NUP205: variants seen among roughly 807,000 people sequenced by gnomAD.
NUP205 encodes nucleoporin 205, also known as nuclear pore complex protein Nup205.
In NUP205, 76 loss-of-function variants were observed where a neutral mutation model predicts 253.8. The observed-to-expected ratio is 0.30, with a 90% CI of 0.25 to 0.36. The LOEUF (loss-of-function observed/expected upper bound fraction) is 0.36. Ranked by LOEUF, NUP205 falls within the 10% of genes least tolerant of loss-of-function variation. NUP205 has a pLI of 1.00. For synonymous variants in NUP205, 832 were observed against 850.1 expected, an observed-to-expected ratio of 0.98 and a Z score of 0.37; for missense variants, 2,162 against 2,425.5, an observed-to-expected ratio of 0.89 and a Z score of 2.28.
At chr7:135,589,261 GT>G (rs376086183) in intron 10 of NUP205, among the ~76,000 whole-genome samples, 3,681 of 142,236 alleles carry the variant, frequency 0.026, 139 homozygotes, top group South Asian at 0.082. Flanking sequence ...GTGTGTGTGT[GT>G]TTTTTTTTTT....
chr7:135,609,104 C>CAAAAAAAAA (rs1163880987), intron 22 of NUP205, among the ~76,000 whole-genome samples: 1 of 66,182 alleles, frequency 1.5e-5, no homozygotes, highest in Non-Finnish European at 3.0e-5. Context: ...AACTCCGTCT[C>CAAAAAAAAA]AAAAAAAAAA....
At chr7:135,570,788 T>TTATATATATTAATTATATTAA (rs1554456550) in intron 1 of NUP205, among the ~76,000 whole-genome samples, 2 of 48,962 alleles carry the variant, frequency 4.1e-5, no homozygotes, top group Non-Finnish European at 7.3e-5. Flanking sequence ...TTAATTATAT[T>TTATATATATTAATTATATTAA]TATATATTAT....
intron 15 of NUP205, among the ~76,000 whole-genome samples, chr7:135,599,262 A>G (rs1793915048): frequency 6.6e-6 from 1 of 152,134 alleles, no homozygotes; most frequent in African/African-American, 2.4e-5. Flanking sequence ...TGACTGCATA[A>G]AATCTGTTAC....
intron 30 of NUP205, among the ~76,000 whole-genome samples, chr7:135,621,596 A>C (rs1306576755): frequency 1.3e-5 from 2 of 152,240 alleles, no homozygotes; most frequent in Admixed American, 6.5e-5. Flanking sequence ...AGAGTCTCAC[A>C]TAAGAGTATG....
Position 135,606,765 on chromosome 7 carries a change from A to G in NUP205, c.2920A>G (p.Lys974Glu). 6.2e-7 allele frequency: 1 copy of G among 1,613,772 alleles called. No homozygotes were observed. Among genetic ancestry groups the G allele is most frequent in the Non-Finnish European group, 8.5e-7 (1 of 1,179,772 alleles). Residue 974 changes from lysine to glutamate, a missense_variant, in exon 21 of 43, where the codon AAG becomes GAG. Around this residue, in one of 5 missense-constraint regions of NUP205, gnomAD observed 1,144 missense variants for 1,280.9 expected, o/e 0.89. Coordinates refer to ENST00000285968, the MANE Select transcript of NUP205 (RefSeq NM_015135.3). ...VRLEEGSELE[K>E]KLVAIRHETR... is the part of the protein sequence containing the mutation. ...TCTGCATTAAGGATCAGAACTTGAA[A>G]AGAAATTAGTTGCAATTCGTCATGA...
chr7:135,598,400 A>C (rs1438949170), intron 15 of NUP205, among the ~76,000 whole-genome samples, 193 bp downstream of exon 15: 1 of 152,252 alleles, frequency 6.6e-6, no homozygotes, highest in African/African-American at 2.4e-5. Flanking sequence ...AAACCCAAGC[A>C]CTGACATTAG....
At chr7:135,582,039 G>A (rs1408673070) in intron 7 of NUP205, among the ~76,000 whole-genome samples, 1 of 152,022 alleles carries the variant, frequency 6.6e-6, no homozygotes, top group African/African-American at 2.4e-5. Context: ...TAATGTCAGT[G>A]CTTTGGGAGG....
chr7:135,591,700 C>T, intron 11 of NUP205, 100 bp downstream of exon 11: 1 of 1,008,666 alleles, frequency 9.9e-7, no homozygotes, highest in East Asian at 2.5e-5. Flanking sequence ...CTAGGTTCTA[C>T]CAGAGGTATA....
chr7:135,596,213 C>T (rs999388117), intron 13 of NUP205, among the ~76,000 whole-genome samples: 1 of 152,172 alleles, frequency 6.6e-6, no homozygotes, highest in Non-Finnish European at 1.5e-5. Flanking sequence ...GGATTACAGG[C>T]GTGAGCCACC....
At chr7:135,584,806 T>C in intron 7 of NUP205, 26 bp from the exon 8 acceptor site, 1 of 1,607,778 alleles carries the variant, frequency 6.2e-7, no homozygotes, top group South Asian at 1.1e-5. Context: ...TTCCTCCATG[T>C]ACTGTGTTTT....
chr7:135,567,115 T>C (rs1350965818), intron 1 of NUP205, among the ~76,000 whole-genome samples: 4 of 48,088 alleles, frequency 8.3e-5, no homozygotes, highest in Non-Finnish European at 1.3e-4. Flanking sequence ...TCTGTCTTGC[T>C]CAGTCTATGT....
chr7:135,638,580 T>C lies in NUP205; in HGVS notation c.5289T>C (p.Tyr1763=). ...MQQICANVME[Y]CQSLMLQSSP... is the part of the protein sequence containing the mutation. ...AGATTTGTGCCAATGTAATGGAATA[T>C]TGCCAGTCACTCATGTTACAGAGTT... is the stretch of plus-strand genomic sequence containing the variant. The change falls in exon 38 of 43, where the codon TAT becomes TAC. Residue 1763 remains tyrosine, a synonymous_variant. Transcript: ENST00000285968. 1.1e-5 allele frequency: 17 copies of C among 1,614,064 alleles called. No homozygotes were observed. Among genetic ancestry groups the C allele is most frequent in the Non-Finnish European group, 1.4e-5 (17 of 1,179,930 alleles).
chr7:135,577,031 A>C lies in NUP205; in HGVS notation c.551A>C (p.Tyr184Ser). Residue 184 changes from tyrosine to serine, a missense_variant, in exon 5 of 43, where the codon TAT (tyrosine) becomes TCT (serine). Physicochemically the swap from Tyr to Ser is moderately radical, Grantham distance 144. Around this residue, in one of 5 missense-constraint regions of NUP205, gnomAD observed 892 missense variants for 957.1 expected, o/e 0.93. Coordinates refer to ENST00000285968, the MANE Select transcript of NUP205 (RefSeq NM_015135.3). ...GAGCTGATGGAGCAAGGATTGACTT[A>C]TAAAGTTCTTACGCTGGTGTCACAG... ...TDELMEQGLT[Y>S]KVLTLVSQID... is the part of the protein sequence containing the mutation. 1 of 1,614,162 alleles carries C rather than the reference A, an allele frequency of 6.2e-7. No homozygotes were observed. The highest frequency in any genetic ancestry group is 8.5e-7 in the Non-Finnish European group (1 of 1,179,970).
chr7:135,593,000 G>T lies in NUP205; in HGVS notation c.1638G>T (p.Gln546His). 6.2e-7 allele frequency: 1 copy of T among 1,612,060 alleles called. No individual in the cohort carries two copies. Among genetic ancestry groups the T allele is most frequent in the Non-Finnish European group, 8.5e-7 (1 of 1,178,240 alleles). The change falls in exon 12 of 43, where the codon CAG becomes CAT. Residue 546 changes from glutamine (Q) to histidine (H), a missense_variant. Physicochemically the swap from Gln to His is conservative, Grantham distance 24. Transcript: ENST00000285968. ...VNGSSHVENIQGAGGSPVSWE... is the reference protein window; with the variant it reads ...VNGSSHVENIHGAGGSPVSWE... ...TTTTCTTTATAGTTGAAAATATTCA[G>T]GGAGCAGGTGGCAGTCCTGTTTCCT...
intron 7 of NUP205, among the ~76,000 whole-genome samples, chr7:135,579,956 C>T (rs1806260211): frequency 6.6e-6 from 1 of 152,122 alleles, no homozygotes; most frequent in Admixed American, 6.6e-5. Context: ...AGAATACTGA[C>T]TTTTAACAAC....
At chr7:135,583,517 T>C (rs1806367698) in intron 7 of NUP205, among the ~76,000 whole-genome samples, 1 of 152,094 alleles carries the variant, frequency 6.6e-6, no homozygotes, top group Non-Finnish European at 1.5e-5. Context: ...CCCAGCACTT[T>C]GGGAGGCCGA....
intron 15 of NUP205, among the ~76,000 whole-genome samples, chr7:135,599,539 C>T (rs1021525058): frequency 6.6e-6 from 1 of 152,126 alleles, no homozygotes; most frequent in Admixed American, 6.5e-5. Flanking sequence ...CTGATAATTA[C>T]AGCACTCATT....
At position 135,601,502 on chromosome 7, in the gene NUP205, T is replaced by C; in HGVS notation, c.2507T>C (p.Phe836Ser). ...GVKQLDTYAP[F>S]PGKKHLEKAV... ...AAGCAGCTTGACACCTATGCCCCCT[T>C]TCCTGGTATATGCTTAAAAGCCTTC... Residue 836 changes from phenylalanine (F) to serine (S), a missense_variant, in exon 17 of 43, where the codon TTT becomes TCT. Coordinates refer to ENST00000285968, the MANE Select transcript of NUP205 (RefSeq NM_015135.3). 6.2e-7 allele frequency: 1 copy of C among 1,612,728 alleles called. No individual in the cohort carries two copies. Among genetic ancestry groups the C allele is most frequent in the South Asian group, 1.1e-5 (1 of 90,800 alleles).
At chr7:135,570,672 A>ATATTTATTATATTAT (rs1805936575) in intron 1 of NUP205, among the ~76,000 whole-genome samples, 4 of 116,570 alleles carry the variant, frequency 3.4e-5, no homozygotes, top group African/African-American at 1.0e-4. Context: ...TAATATAATT[A>ATATTTATTATATTAT]ATATATATTA....
Sources: gnomAD v4.1 joint callset for allele counts (sites outside exome capture counted in the v4.1 genomes callset) on GRCh38, gnomAD v4.1.1 for gene constraint, gnomAD v4.1.1 regional missense constraint, MANE v1.5 for transcripts, NCBI Gene and HGNC (gene_info 2026-07-23, HGNC 2026-07-21) for gene names.